Variants in POLR3A observed in about 807,000 individuals in gnomAD.
POLR3A encodes RNA polymerase III subunit A.
Under a neutral mutation model 152.8 loss-of-function variants are expected in POLR3A, and 112 were observed. The observed-to-expected ratio is 0.73, with a 90% CI of 0.63 to 0.86. POLR3A has a LOEUF of 0.86. Among genes scored for constraint, POLR3A ranks in the 40% least tolerant of loss-of-function variants. POLR3A has a pLI of 0.00. For synonymous variants in POLR3A, 615 were observed against 652.1 expected (o/e 0.94, Z 0.87); for missense variants, 1,385 against 1,743.1 (o/e 0.79, Z 3.66).
In POLR3A at chr10:78,024,542, G is replaced by A; in HGVS notation, c.645+7C>T. The A allele has an allele frequency of 6.2e-7, 1 of 1,612,834 alleles. No individual in the cohort carries two copies. Among genetic ancestry groups the A allele is most frequent in the South Asian group, 1.1e-5 (1 of 91,014 alleles). On this transcript the variant is annotated splice_region_variant and intron_variant, in intron 5 of 30. Transcript: ENST00000372371. ...GGCGGAAGGCAGGCGTGCATTCTCAGGCTCACCTGTGCCCTTCCCAGCAGA... is the reference window on the plus strand; with the variant it reads ...GGCGGAAGGCAGGCGTGCATTCTCAAGCTCACCTGTGCCCTTCCCAGCAGA...
At chr10:78,017,275 A>C (rs1257899437) in intron 10 of POLR3A, among the ~76,000 whole-genome samples, 1 of 151,792 alleles carries the variant, frequency 6.6e-6, no homozygotes, top group Non-Finnish European at 1.5e-5. Flanking sequence ...AAAACCAAAA[A>C]CAAAAAACAA....
chr10:77,977,346 A>T lies in POLR3A; in HGVS notation c.*132T>A, dbSNP rs1847098815. 2.2e-6 allele frequency: 2 copies of T among 909,630 alleles called. No homozygotes were observed. Among genetic ancestry groups the T allele is most frequent in the Non-Finnish European group, 3.7e-6 (2 of 544,268 alleles). The allele number at this position is 909,630 out of a possible 1,614,324, so 56.3% of individuals were successfully genotyped here. Reference sequence around the variant, plus strand: ...GGAGAAGCTGCTCCTGGGGATGCCAAGAGGGCTTCTCTGATTGCTGGCATA... The same window carrying T: ...GGAGAAGCTGCTCCTGGGGATGCCATGAGGGCTTCTCTGATTGCTGGCATA... On this transcript the variant is annotated 3_prime_UTR_variant, in exon 31 of 31. Transcript: ENST00000372371.
chr10:78,000,224 C>T, intron 18 of POLR3A, 106 bp from the exon 19 acceptor site: 1 of 936,746 alleles, frequency 1.1e-6, no homozygotes, highest in Non-Finnish European at 1.7e-6. Context: ...CTATAAATAC[C>T]TGGCCAGTAT....
At chr10:78,015,977 A>C (rs1360753788) in intron 10 of POLR3A, among the ~76,000 whole-genome samples, 1 of 152,216 alleles carries the variant, frequency 6.6e-6, no homozygotes, top group Non-Finnish European at 1.5e-5. Context: ...GACTGATATA[A>C]TGTGTTCAGA....
intron 18 of POLR3A, among the ~76,000 whole-genome samples, chr10:78,000,383 G>A (rs866120570): frequency 6.6e-6 from 1 of 152,206 alleles, no homozygotes; most frequent in Non-Finnish European, 1.5e-5. Context: ...AGATCTGGAT[G>A]CTCTCCTTAA....
At position 77,980,143 on chromosome 10, in the gene POLR3A, C is replaced by T. The variant is rs1297452115; in HGVS notation, c.4022G>A (p.Cys1341Tyr). Reference sequence around the variant, plus strand: ...GTTCATAGAAACATCAAACCTACCACACACAGAGTCCTTCTGCCCGAAGTA... The same window carrying T: ...GTTCATAGAAACATCAAACCTACCATACACAGAGTCCTTCTGCCCGAAGTA... ...AAYFGQKDSV[C>Y]GVSECIIMGI... Residue 1341 changes from cysteine (C) to tyrosine (Y), a missense_variant and splice_region_variant, in exon 30 of 31, where the codon TGT becomes TAT. Physicochemically the swap from Cys to Tyr is radical, Grantham distance 194 (BLOSUM62 -2). Around this residue, in one of 7 missense-constraint regions of POLR3A, gnomAD observed 332 missense variants for 400.1 expected, o/e 0.83. Transcript: ENST00000372371. 1 of 1,613,966 alleles carries T rather than the reference C, an allele frequency of 6.2e-7. No homozygotes were observed. The highest frequency in any genetic ancestry group is 1.3e-5 in the African/African-American group (1 of 75,038).
At chr10:77,978,714 G>A (rs983783942) in intron 30 of POLR3A, among the ~76,000 whole-genome samples, 5 of 148,180 alleles carry the variant, frequency 3.4e-5, no homozygotes, top group Admixed American at 1.4e-4. Flanking sequence ...AGGCTAGAGT[G>A]CAGTGGTGCA....
At chr10:78,016,408 A>AT (rs975269012) in intron 10 of POLR3A, among the ~76,000 whole-genome samples, 5 of 140,250 alleles carry the variant, frequency 3.6e-5, no homozygotes, top group African/African-American at 5.5e-5. Flanking sequence ...AGCTCCACTT[A>AT]TTAAAAAAAA....
intron 11 of POLR3A, 40 bp from the exon 12 acceptor site, chr10:78,010,580 A>C: frequency 2.1e-6 from 3 of 1,397,664 alleles, no homozygotes; most frequent in Non-Finnish European, 3.1e-6. Flanking sequence ...CTGTTCTCGG[A>C]TGCATGATGC....
chr10:78,023,770 C>A (rs1288780546), intron 5 of POLR3A, among the ~76,000 whole-genome samples: 3 of 151,370 alleles, frequency 2.0e-5, no homozygotes, highest in Admixed American at 6.6e-5. Context: ...AGAGAGAGAC[C>A]CTGCCTCAAA....
At chr10:77,996,698 A>C (rs1161279692) in intron 19 of POLR3A, among the ~76,000 whole-genome samples, 1 of 152,126 alleles carries the variant, frequency 6.6e-6, no homozygotes, top group Non-Finnish European at 1.5e-5. Flanking sequence ...AAAGTCCAGG[A>C]CCAGATGGAT....
intron 19 of POLR3A, 80 bp downstream of exon 19, chr10:77,999,901 G>A (rs900432452): frequency 2.9e-6 from 4 of 1,370,350 alleles, no homozygotes; most frequent in Admixed American, 1.7e-5. Flanking sequence ...CAGCTCATGT[G>A]CAAAACGTGT....
chr10:77,996,857 C>A (rs1216014894), intron 19 of POLR3A, among the ~76,000 whole-genome samples: 6 of 151,868 alleles, frequency 4.0e-5, no homozygotes, highest in Admixed American at 6.6e-5. Context: ...GAGACACAAC[C>A]AAAAAAGAGA....
Position 78,007,838 on chromosome 10 carries a change from C to A in POLR3A, c.1938G>T (p.Met646Ile). 2 of 1,613,652 alleles carry A rather than the reference C, an allele frequency of 1.2e-6. No homozygotes were observed. The highest frequency in any genetic ancestry group is 1.7e-5 in the Admixed American group (1 of 60,030). Reference protein sequence around the residue: ...SYVTIQNSELMSGSMDKGTLG... With the variant: ...SYVTIQNSELISGSMDKGTLG... ...GGGTTCCTTTGTCCATGCTGCCACT[C>A]ATCAACTCACTGTTCTGGATTGTAA... The change falls in exon 15 of 31, where the codon ATG becomes ATT. Residue 646 changes from methionine (M) to isoleucine (I), a missense_variant. Around this residue, in one of 7 missense-constraint regions of POLR3A, gnomAD observed 188 missense variants for 179.9 expected, o/e 1.04. Coordinates refer to ENST00000372371, the MANE Select transcript of POLR3A (RefSeq NM_007055.4).
At chr10:78,027,568 T>C (rs1847649344) in intron 1 of POLR3A, among the ~76,000 whole-genome samples, 1 of 151,718 alleles carries the variant, frequency 6.6e-6, no homozygotes, top group Non-Finnish European at 1.5e-5. Flanking sequence ...TTTTTTTCCC[T>C]GAGACAGAGT....
intron 21 of POLR3A, among the ~76,000 whole-genome samples, chr10:77,988,195 T>C (rs1394119082): frequency 6.6e-6 from 1 of 152,140 alleles, no homozygotes; most frequent in East Asian, 1.9e-4. Flanking sequence ...TGCAGCCCAA[T>C]CATTGTTCTA....
At chr10:77,987,825 T>C (rs1847211817) in intron 21 of POLR3A, among the ~76,000 whole-genome samples, 1 of 152,248 alleles carries the variant, frequency 6.6e-6, no homozygotes, top group African/African-American at 2.4e-5. Flanking sequence ...CCCAGCCAGC[T>C]GCTGCCCAGC....
At position 77,991,093 on chromosome 10, in the gene POLR3A, C is replaced by G. The variant is rs765658350; in HGVS notation, c.2862G>C (p.Lys954Asn). The G allele has an allele frequency of 1.9e-6, 3 of 1,613,714 alleles. No homozygotes were observed. Among genetic ancestry groups the G allele is most frequent in the Admixed American group, 3.3e-5 (2 of 60,026 alleles). ...ELILTTESIM[K>N]KSEFLCCQDS... is the part of the protein sequence containing the mutation. ...CCTGGCAGCAGAGGAACTCACTCTTCTTCATGATGGACTCTGTGGTCAGGA... is the reference window on the plus strand; with the variant it reads ...CCTGGCAGCAGAGGAACTCACTCTTGTTCATGATGGACTCTGTGGTCAGGA... The change falls in exon 21 of 31, where the codon AAG becomes AAC. Residue 954 changes from lysine (K) to asparagine (N), a missense_variant. Physicochemically the swap from Lys to Asn is moderately conservative, Grantham distance 94. Transcript: ENST00000372371.
intron 4 of POLR3A, 92 bp downstream of exon 4, chr10:78,024,879 C>T: frequency 6.6e-7 from 1 of 1,518,600 alleles, no homozygotes. Flanking sequence ...AGGAGAAAAG[C>T]TGACTCCCGA....
Sources: allele counts gnomAD v4.1 joint callset (sites outside exome capture counted in the v4.1 genomes callset), GRCh38; gene constraint gnomAD v4.1.1; regional missense constraint gnomAD v4.1.1; transcripts MANE v1.5; gene names NCBI Gene and HGNC (gene_info 2026-07-23, HGNC 2026-07-21).